SEMA6D: variants seen among roughly 807,000 people sequenced by gnomAD.
The protein encoded by SEMA6D is semaphorin-6D.
SEMA6D carries 35 observed loss-of-function variants against 106.6 expected under a neutral mutation model. The ratio of observed to expected loss-of-function variants is 0.33; its 90% CI spans 0.25 to 0.44. The LOEUF is 0.44. SEMA6D is among the 20% of genes least tolerant of loss of function. The pLI, the probability that SEMA6D is intolerant of heterozygous loss-of-function variation, is 1.00. For synonymous variants in SEMA6D, 499 were observed against 487.7 expected, an observed-to-expected ratio of 1.02 and a Z score of -0.31; for missense variants, 1,185 against 1,345.9, an observed-to-expected ratio of 0.88 and a Z score of 1.87.
chr15:47,709,409 G>A (rs1292718216), intron 4 of SEMA6D, among the ~76,000 whole-genome samples: 1 of 152,104 alleles, frequency 6.6e-6, no homozygotes, highest in Non-Finnish European at 1.5e-5. Context: ...TTTGCCATCT[G>A]TTCCCTGCCA....
chr15:47,458,346 T>A (rs1430576323), intron 2 of SEMA6D, among the ~76,000 whole-genome samples: 1 of 151,954 alleles, frequency 6.6e-6, no homozygotes, highest in Non-Finnish European at 1.5e-5. Flanking sequence ...ACTTAAACAA[T>A]GTTATCAACT....
chr15:47,678,439 T>C (rs1016777769), intron 4 of SEMA6D, among the ~76,000 whole-genome samples: 2 of 152,204 alleles, frequency 1.3e-5, no homozygotes, highest in African/African-American at 4.8e-5. Flanking sequence ...TATTTTGTTA[T>C]GGATATATTA....
intron 4 of SEMA6D, among the ~76,000 whole-genome samples, chr15:47,636,709 C>G (rs1254049612): frequency 6.6e-6 from 1 of 152,204 alleles, no homozygotes; most frequent in Non-Finnish European, 1.5e-5. Flanking sequence ...TCAGTCAGCA[C>G]TGTCCTAGCG....
rs185447444 is a variant in SEMA6D at position 47,224,858 on chromosome 15, C to T, written c.-239+40440C>T. ...CTCTAAACCAATCATTTTACCTTCC[C>T]TAACTTCTACTTGGTTGTTCCCTCT... On this transcript the variant is annotated intron_variant, in intron 1 of 19. Transcript: ENST00000558014. Among the ~76,000 whole-genome samples, 609 of 152,012 alleles carry T rather than the reference C, an allele frequency of 4.0e-3. 27 individuals carry two copies. Among genetic ancestry groups the T allele is most frequent in the Admixed American group, 0.036 (556 of 15,236 alleles).
chr15:47,689,867 TG>T (rs1332389569), intron 4 of SEMA6D, among the ~76,000 whole-genome samples: 2 of 152,234 alleles, frequency 1.3e-5, no homozygotes, highest in Non-Finnish European at 2.9e-5. Flanking sequence ...CACAGCTTTT[TG>T]GTATGCATAA....
At chr15:47,713,327 T>C (rs993833945), upstream of SEMA6D, among the ~76,000 whole-genome samples, 2 of 152,226 alleles carry the variant, frequency 1.3e-5, no homozygotes, top group African/African-American at 4.8e-5. Flanking sequence ...ACTATCATAC[T>C]ACATAATAAT....
At chr15:47,524,122 A>G (rs8032090) in intron 3 of SEMA6D, among the ~76,000 whole-genome samples, 14,034 of 152,260 alleles carry the variant, frequency 0.092, 943 homozygotes, top group East Asian at 0.32. Context: ...CCACCGATAC[A>G]AACTGGCTTC....
At chr15:47,761,806 A>G in intron 7 of SEMA6D, 55 bp downstream of exon 7, 2 of 1,424,124 alleles carry the variant, frequency 1.4e-6, no homozygotes, top group Non-Finnish European at 9.8e-7. Flanking sequence ...AAGGTGAAAA[A>G]GGAATTTAAT....
At chr15:47,411,389 A>C (rs370752468) in intron 1 of SEMA6D, among the ~76,000 whole-genome samples, 1 of 151,798 alleles carries the variant, frequency 6.6e-6, no homozygotes, top group South Asian at 2.1e-4. Context: ...TTTAATATTC[A>C]CAGTTGCATG....
chr15:47,700,868 C>G (rs1053478127), intron 4 of SEMA6D, among the ~76,000 whole-genome samples: 10 of 152,152 alleles, frequency 6.6e-5, no homozygotes, highest in Non-Finnish European at 1.5e-4. Flanking sequence ...GGAGAAGAGA[C>G]AGCTATTTCA....
chr15:47,581,082 C>G (rs2076246604), intron 3 of SEMA6D, among the ~76,000 whole-genome samples: 1 of 152,236 alleles, frequency 6.6e-6, no homozygotes, highest in Non-Finnish European at 1.5e-5. Flanking sequence ...CAATCACTCA[C>G]AGGCTGCAAC....
intron 2 of SEMA6D, among the ~76,000 whole-genome samples, chr15:47,464,037 C>T (rs753149996): frequency 1.1e-4 from 17 of 152,130 alleles, no homozygotes; most frequent in Non-Finnish European, 2.2e-4. Flanking sequence ...CTGGATAATG[C>T]AGAATGGGCT....
rs546536729 is a variant in SEMA6D at position 47,391,559 on chromosome 15, A to G, written c.-238-20834A>G. 3.3e-5 allele frequency among the ~76,000 whole-genome samples: 5 copies of G among 152,282 alleles called. No homozygotes were observed. In the South Asian group the frequency reaches 1.0e-3, roughly 32 times the overall value. ...TGGCTGGAAATTATTACTGAATTGC[A>G]ATAAACTCACACTGACTGGAATGAC... On this transcript the variant is annotated intron_variant, in intron 1 of 19. Coordinates refer to the SEMA6D transcript ENST00000558014.
At chr15:47,710,925 A>G (rs1394671202) in intron 4 of SEMA6D, among the ~76,000 whole-genome samples, 1 of 152,218 alleles carries the variant, frequency 6.6e-6, no homozygotes, top group African/African-American at 2.4e-5. Context: ...ACCAAGGAAC[A>G]TACCCTAGCA....
intron 1 of SEMA6D, among the ~76,000 whole-genome samples, chr15:47,277,606 A>ATTT (rs371909484): frequency 1.7e-4 from 17 of 102,350 alleles, no homozygotes; most frequent in African/African-American, 8.6e-4. Context: ...TATTATTATT[A>ATTT]TTATTATTTA....
chr15:47,578,836 T>C (rs1047516110), intron 3 of SEMA6D, among the ~76,000 whole-genome samples: 1 of 152,056 alleles, frequency 6.6e-6, no homozygotes, highest in Non-Finnish European at 1.5e-5. Flanking sequence ...AATAACACTT[T>C]TATGTCTTTA....
At chr15:47,455,367 C>A (rs1218418497) in intron 2 of SEMA6D, among the ~76,000 whole-genome samples, 1 of 151,898 alleles carries the variant, frequency 6.6e-6, no homozygotes, top group Non-Finnish European at 1.5e-5. Flanking sequence ...TATTTTCTTT[C>A]ATTCTTCTTT....
intron 2 of SEMA6D, among the ~76,000 whole-genome samples, chr15:47,447,056 C>T (rs762433075): frequency 2.6e-4 from 39 of 152,214 alleles, no homozygotes; most frequent in Admixed American, 1.0e-3. Flanking sequence ...CTGGGCACAC[C>T]CCTGCCATAT....
At chr15:47,686,779 A>T (rs2078479121) in intron 4 of SEMA6D, among the ~76,000 whole-genome samples, 1 of 152,186 alleles carries the variant, frequency 6.6e-6, no homozygotes, top group Admixed American at 6.5e-5. Context: ...AATTGTAGAT[A>T]ACTTAAGCCA....
Sources: gnomAD v4.1 joint callset for allele counts (sites outside exome capture counted in the v4.1 genomes callset) on GRCh38, gnomAD v4.1.1 for gene constraint, MANE v1.5 for transcripts, NCBI Gene and HGNC (gene_info 2026-07-23, HGNC 2026-07-21) for gene names.